Variants in SLC27A2 observed in about 807,000 individuals in gnomAD.
SLC27A2 encodes the protein solute carrier family 27 member 2.
In SLC27A2, 54 loss-of-function variants were observed where a neutral mutation model predicts 60.0. The ratio of observed to expected loss-of-function variants is 0.90; its 90% CI spans 0.72 to 1.13. SLC27A2 has a LOEUF of 1.13. Ranked by LOEUF, SLC27A2 falls within the 50% of genes most tolerant of loss-of-function variation. SLC27A2 has a pLI of 0.00. For synonymous variants in SLC27A2, 297 were observed against 297.6 expected (o/e 1.00, Z 0.02); for missense variants, 739 against 777.6 (o/e 0.95, Z 0.59).
At chr15:50,192,736 T>G (rs1043649215) in intron 1 of SLC27A2, among the ~76,000 whole-genome samples, 1 of 148,800 alleles carries the variant, frequency 6.7e-6, no homozygotes, top group African/African-American at 2.5e-5. Flanking sequence ...TGTATTTTTT[T>G]GTAGAGGTGT....
chr15:50,182,287 C>T lies in SLC27A2; in HGVS notation c.-141C>T. ...TGCAGCGGAGGAGCTCTGTCTTCCC[C>T]TTCATCTCACGCGAGCCCGGCGTCC... On this transcript the variant is annotated 5_prime_UTR_variant, in exon 1 of 10. Transcript: ENST00000267842. The T allele has an allele frequency of 7.8e-7, 1 of 1,276,856 alleles. No homozygotes were observed. The highest frequency in any genetic ancestry group is 2.4e-5 in the South Asian group (1 of 41,074). 79.1% of individuals were successfully genotyped at this position (1,276,856 alleles called of 1,614,324 possible).
intron 8 of SLC27A2, among the ~76,000 whole-genome samples, chr15:50,230,843 A>G (rs1245571942): frequency 1.3e-5 from 2 of 152,224 alleles, no homozygotes; most frequent in South Asian, 2.1e-4. Context: ...GTGTGAGGTG[A>G]GAGAATCTAG....
Position 50,227,219 on chromosome 15 carries a change from C to T in SLC27A2, c.1457+41C>T, listed in dbSNP as rs1253366594. 4.6e-6 allele frequency: 7 copies of T among 1,517,000 alleles called. No individual in the cohort carries two copies. In the South Asian group the frequency reaches 8.0e-5, roughly 17 times the overall value. The allele number at this position is 1,517,000 out of a possible 1,614,324, so 94.0% of individuals were successfully genotyped here. ...TCATTGAGCCAAAAACAAACACACG[C>T]ACAGTTTGGCTTACTCCTAGTGGAA... is the stretch of plus-strand genomic sequence containing the variant. On this transcript the variant is annotated intron_variant, in intron 7 of 9. Transcript: ENST00000267842.
chr15:50,214,695 T>G (rs1423983677), intron 4 of SLC27A2, among the ~76,000 whole-genome samples: 1 of 152,010 alleles, frequency 6.6e-6, no homozygotes, highest in Admixed American at 6.6e-5. Flanking sequence ...ATACAACACA[T>G]AAACAAAATG....
chr15:50,229,076 A>C, intron 8 of SLC27A2, 34 bp downstream of exon 8: 4 of 1,420,228 alleles, frequency 2.8e-6, no homozygotes, highest in Non-Finnish European at 4.0e-6. Context: ...CCTAACCCAT[A>C]GAGTAACTGA....
At chr15:50,213,725 A>T (rs2045174461) in intron 4 of SLC27A2, among the ~76,000 whole-genome samples, 1 of 152,174 alleles carries the variant, frequency 6.6e-6, no homozygotes, top group African/African-American at 2.4e-5. Context: ...GGTCAAAAAC[A>T]AAATCAAGAC....
At chr15:50,207,886 CA>C (rs1237115133) in intron 4 of SLC27A2, among the ~76,000 whole-genome samples, 1 of 144,810 alleles carries the variant, frequency 6.9e-6, no homozygotes, top group Non-Finnish European at 1.5e-5. Flanking sequence ...AATCATAGGT[CA>C]TCATAGGAAG....
Position 50,235,908 on chromosome 15 carries a change from G to T in SLC27A2, c.1687-12G>T, listed in dbSNP as rs772197676. The T allele has an allele frequency of 2.5e-6, 4 of 1,598,518 alleles. No homozygotes were observed. The highest frequency in any genetic ancestry group is 3.4e-6 in the Non-Finnish European group (4 of 1,169,098). Reference sequence around the variant, plus strand: ...AATGCAACCAAAATGTGGATTATTTGATGTTTTTCAGGACACCATTGAGAT... The same window carrying T: ...AATGCAACCAAAATGTGGATTATTTTATGTTTTTCAGGACACCATTGAGAT... On this transcript the variant is annotated splice_polypyrimidine_tract_variant and intron_variant, in intron 9 of 9. Coordinates refer to ENST00000267842, the MANE Select transcript of SLC27A2 (RefSeq NM_003645.4).
rs1315583862 is a variant in SLC27A2 at position 50,190,749 on chromosome 15, C to A, written c.479-6751C>A. On this transcript the variant is annotated intron_variant, in intron 1 of 9. Coordinates refer to ENST00000267842, the MANE Select transcript of SLC27A2 (RefSeq NM_003645.4). ...TGATTTTTCAACACCCAAGTGTGTG[C>A]TCTTTCTCTGTGGGTTTATTTCAGT... Among the ~76,000 whole-genome samples, 3 of 152,028 alleles carry A rather than the reference C, an allele frequency of 2.0e-5. No homozygotes were observed. In the East Asian group the frequency reaches 5.8e-4, roughly 29 times the overall value.
At position 50,182,270 on chromosome 15, in the gene SLC27A2, A is replaced by C; in HGVS notation, c.-158A>C. 7 of 1,165,496 alleles carry C rather than the reference A, an allele frequency of 6.0e-6. No homozygotes were observed. The highest frequency in any genetic ancestry group is 7.7e-6 in the Non-Finnish European group (7 of 912,398). 72.2% of individuals were successfully genotyped at this position (1,165,496 alleles called of 1,614,324 possible). On this transcript the variant is annotated 5_prime_UTR_variant, in exon 1 of 10. Transcript: ENST00000267842. ...GAGCCCGCGGCGGTACCTGCAGCGG[A>C]GGAGCTCTGTCTTCCCCTTCATCTC...
chr15:50,218,060 C>CAAAAAAAAAAAAA (rs34661754), intron 4 of SLC27A2, among the ~76,000 whole-genome samples: 1 of 63,900 alleles, frequency 1.6e-5, no homozygotes, highest in Non-Finnish European at 2.6e-5. Context: ...GACTCTGTCT[C>CAAAAAAAAAAAAA]AAAAAAAAAA....
In SLC27A2 at chr15:50,225,210, G is replaced by A. The variant is rs547332019; in HGVS notation, c.1168-778G>A. 2.5e-3 allele frequency among the ~76,000 whole-genome samples: 384 copies of A among 152,130 alleles called. 1 individual carries two copies. The highest frequency in any genetic ancestry group is 8.9e-3 in the African/African-American group (371 of 41,504). ...ATCACATAGACTTGAATATAAATTTGAAATAGACACAGTAATCATGGCTAA... is the reference window on the plus strand; with the variant it reads ...ATCACATAGACTTGAATATAAATTTAAAATAGACACAGTAATCATGGCTAA... On this transcript the variant is annotated intron_variant, in intron 5 of 9. Coordinates refer to ENST00000267842, the MANE Select transcript of SLC27A2 (RefSeq NM_003645.4).
chr15:50,212,805 C>T (rs886977263), intron 4 of SLC27A2, among the ~76,000 whole-genome samples: 9 of 152,026 alleles, frequency 5.9e-5, no homozygotes, highest in Admixed American at 2.6e-4. Context: ...AATCTTGAAA[C>T]AAATCCTGCA....
chr15:50,191,738 G>A (rs995610232), intron 1 of SLC27A2, among the ~76,000 whole-genome samples: 1 of 152,156 alleles, frequency 6.6e-6, no homozygotes, highest in East Asian at 1.9e-4. Context: ...ATTATAAAAG[G>A]TAGATAGATA....
At chr15:50,222,917 G>A in intron 4 of SLC27A2, 48 bp from the exon 5 acceptor site, 2 of 1,405,894 alleles carry the variant, frequency 1.4e-6, no homozygotes, top group Non-Finnish European at 1.9e-6. Context: ...TGTAAGCATA[G>A]GCTCCAGAGA....
At position 50,234,415 on chromosome 15, in the gene SLC27A2, C is replaced by T. The variant is rs1043567885; in HGVS notation, c.1686+417C>T. On this transcript the variant is annotated intron_variant, in intron 9 of 9. Transcript: ENST00000267842. ...TCAGCCTGGCTAACATGGTGAAACC[C>T]GGTCTCTACTAAATAGACAAAATTA... is the stretch of plus-strand genomic sequence containing the variant. Among the ~76,000 whole-genome samples, 7 of 151,960 alleles carry T rather than the reference C, an allele frequency of 4.6e-5. No individual in the cohort carries two copies. In the South Asian group the frequency reaches 1.0e-3, roughly 23 times the overall value.
intron 3 of SLC27A2, 100 bp downstream of exon 3, chr15:50,202,745 C>G (rs2045075300): frequency 2.4e-6 from 3 of 1,225,638 alleles, no homozygotes; most frequent in Middle Eastern, 2.0e-4. Flanking sequence ...CTGCTAGGAA[C>G]AGTTTTCAAT....
chr15:50,232,740 G>A (rs80232445), intron 8 of SLC27A2, among the ~76,000 whole-genome samples: 1 of 152,222 alleles, frequency 6.6e-6, no homozygotes, highest in African/African-American at 2.4e-5. Flanking sequence ...AGATTTCTAA[G>A]ACAGGTGCTA....
At chr15:50,183,273 A>G (rs1257848225) in intron 1 of SLC27A2, among the ~76,000 whole-genome samples, 2 of 152,208 alleles carry the variant, frequency 1.3e-5, no homozygotes, top group Non-Finnish European at 1.5e-5. Context: ...TAACATCTGC[A>G]TTAAAATGCA....
Sources: gnomAD v4.1 joint callset for allele counts (sites outside exome capture counted in the v4.1 genomes callset) on GRCh38, gnomAD v4.1.1 for gene constraint, MANE v1.5 for transcripts, NCBI Gene and HGNC (gene_info 2026-07-23, HGNC 2026-07-21) for gene names.